FSTL5: variants seen among roughly 807,000 people sequenced by gnomAD.
The protein encoded by FSTL5 is follistatin like 5, also known as follistatin-related protein 5.
A neutral mutation model predicts 89.1 loss-of-function variants in FSTL5; 62 were observed. The observed-to-expected ratio is 0.70, with a 90% CI of 0.57 to 0.86. The LOEUF (loss-of-function observed/expected upper bound fraction) is 0.86, where lower values mean the gene tolerates loss of function less well. Ranked by LOEUF, FSTL5 falls within the 40% of genes least tolerant of loss-of-function variation. The pLI, the probability that FSTL5 is intolerant of heterozygous loss-of-function variation, is 0.00. For missense variants in FSTL5, 1,057 were observed against 1,001.6 expected, an observed-to-expected ratio of 1.06 and a Z score of -0.75; for synonymous variants, 383 against 346.2, an observed-to-expected ratio of 1.11 and a Z score of -1.18.
chr4:161,430,924 G>GA (rs1010002084), intron 15 of FSTL5, among the ~76,000 whole-genome samples: 41 of 150,100 alleles, frequency 2.7e-4, no homozygotes, highest in African/African-American at 4.1e-4. Flanking sequence ...TAGTGCTGAA[G>GA]AAAAAAAAAT....
At chr4:161,812,949 C>CTCAGG (rs1402360844) in intron 4 of FSTL5, among the ~76,000 whole-genome samples, 2 of 134,620 alleles carry the variant, frequency 1.5e-5, no homozygotes, top group Non-Finnish European at 3.1e-5. Context: ...GAAATCTCTT[C>CTCAGG]TCAGGTCACT....
intron 6 of FSTL5, among the ~76,000 whole-genome samples, chr4:161,746,697 G>T (rs2126777274): frequency 6.6e-6 from 1 of 152,210 alleles, no homozygotes; most frequent in East Asian, 1.9e-4. Flanking sequence ...TTTCATAAAT[G>T]ACCTCTCAAA....
chr4:161,615,444 C>CAAAAA (rs570217571), intron 7 of FSTL5, among the ~76,000 whole-genome samples: 3 of 87,420 alleles, frequency 3.4e-5, no homozygotes, highest in Admixed American at 1.3e-4. Flanking sequence ...GACTCCATCT[C>CAAAAA]AAAAAAAAAA....
intron 8 of FSTL5, among the ~76,000 whole-genome samples, chr4:161,584,203 C>T (rs1733530930): frequency 6.6e-6 from 1 of 152,252 alleles, no homozygotes; most frequent in African/African-American, 2.4e-5. Flanking sequence ...ACCACTAAAG[C>T]TATTACAAAC....
chr4:161,420,226 C>T (rs1197660421), intron 15 of FSTL5, among the ~76,000 whole-genome samples: 1 of 152,188 alleles, frequency 6.6e-6, no homozygotes, highest in Non-Finnish European at 1.5e-5. Flanking sequence ...CCACAACCAG[C>T]TAAGGTGCTT....
chr4:162,090,495 A>G (rs1730502729), intron 2 of FSTL5, among the ~76,000 whole-genome samples: 1 of 152,114 alleles, frequency 6.6e-6, no homozygotes, highest in Admixed American at 6.5e-5. Flanking sequence ...TAAAAGCTCA[A>G]AATCACTAAG....
At chr4:161,879,353 A>C (rs1732551720) in intron 4 of FSTL5, among the ~76,000 whole-genome samples, 1 of 152,112 alleles carries the variant, frequency 6.6e-6, no homozygotes, top group African/African-American at 2.4e-5. Flanking sequence ...CATTTTCCTC[A>C]ATCTGCAAAT....
chr4:161,644,475 G>A (rs113690189), intron 7 of FSTL5, among the ~76,000 whole-genome samples: 121 of 151,146 alleles, frequency 8.0e-4, no homozygotes, highest in African/African-American at 2.8e-3. Flanking sequence ...GTAGTGAGCC[G>A]AGGCCGCACC....
intron 8 of FSTL5, among the ~76,000 whole-genome samples, chr4:161,584,931 C>T (rs370963832): frequency 1.3e-5 from 2 of 152,018 alleles, no homozygotes; most frequent in Non-Finnish European, 1.5e-5. Context: ...CCTTGTACCT[C>T]GAAAAGGAAA....
chr4:161,721,910 G>A (rs1459198301), intron 6 of FSTL5, among the ~76,000 whole-genome samples: 1 of 152,090 alleles, frequency 6.6e-6, no homozygotes, highest in Non-Finnish European at 1.5e-5. Flanking sequence ...GCATAACTAG[G>A]TATCATTGTA....
At chr4:162,023,911 G>C (rs1737187486) in intron 3 of FSTL5, among the ~76,000 whole-genome samples, 1 of 152,060 alleles carries the variant, frequency 6.6e-6, no homozygotes, top group Non-Finnish European at 1.5e-5. Flanking sequence ...CCACAAAAAT[G>C]GCCTGGGATT....
At chr4:161,733,546 T>C (rs953606954) in intron 6 of FSTL5, among the ~76,000 whole-genome samples, 24 of 152,072 alleles carry the variant, frequency 1.6e-4, no homozygotes, top group African/African-American at 5.5e-4. Context: ...TAGTGTTGAA[T>C]ACACGTGGTG....
At chr4:161,893,541 T>A (rs972315864) in intron 4 of FSTL5, among the ~76,000 whole-genome samples, 2 of 152,178 alleles carry the variant, frequency 1.3e-5, no homozygotes, top group Non-Finnish European at 2.9e-5. Context: ...TGCTTCATAC[T>A]ATTTCCAATC....
At chr4:161,656,164 G>C (rs1405329256) in intron 7 of FSTL5, among the ~76,000 whole-genome samples, 164 bp downstream of exon 7, 2 of 152,072 alleles carry the variant, frequency 1.3e-5, no homozygotes, top group African/African-American at 2.4e-5. Context: ...AAATTCCAAA[G>C]GACCTATAGT....
At chr4:161,529,070 T>C (rs1731326661) in intron 10 of FSTL5, among the ~76,000 whole-genome samples, 2 of 143,162 alleles carry the variant, frequency 1.4e-5, no homozygotes, top group Middle Eastern at 3.7e-3. Flanking sequence ...ATTCAGGCAG[T>C]AGATCAAAAT....
At position 161,982,030 on chromosome 4, in the gene FSTL5, T is replaced by C. The variant is rs79369524; in HGVS notation, c.160+51595A>G. Among the ~76,000 whole-genome samples, 2,093 of 152,328 alleles carry C rather than the reference T, an allele frequency of 0.014. 128 individuals carry two copies. The East Asian group carries it at 0.2, about 15-fold the overall frequency. On this transcript the variant is annotated intron_variant, in intron 3 of 15. Transcript: ENST00000306100. ...CTAGTTCATTAATTCTTATTCCTCC[T>C]TGATTCATGAAATCTTAGAGCCCAA...
chr4:161,976,962 T>C (rs1042929327), intron 3 of FSTL5, among the ~76,000 whole-genome samples: 2 of 152,244 alleles, frequency 1.3e-5, no homozygotes, highest in African/African-American at 4.8e-5. Context: ...GCATCTTTTC[T>C]GTTTTCCATG....
intron 1 of FSTL5, among the ~76,000 whole-genome samples, 170 bp from the exon 2 acceptor site, chr4:162,111,582 T>C (rs895833167): frequency 2.0e-5 from 3 of 152,112 alleles, no homozygotes; most frequent in African/African-American, 7.2e-5. Context: ...ATTATTCCTT[T>C]GATCATAACA....
chr4:161,752,577 G>C (rs562862205), intron 6 of FSTL5, among the ~76,000 whole-genome samples: 80 of 152,180 alleles, frequency 5.3e-4, no homozygotes, highest in Middle Eastern at 6.8e-3. Flanking sequence ...AAATCTAGTG[G>C]CCAAGAAGAC....
Sources: allele counts gnomAD v4.1 joint callset (sites outside exome capture counted in the v4.1 genomes callset), GRCh38; gene constraint gnomAD v4.1.1; transcripts MANE v1.5; gene names NCBI Gene and HGNC (gene_info 2026-07-23, HGNC 2026-07-21).